BMPER: variants seen among roughly 807,000 people sequenced by gnomAD.
The protein encoded by BMPER is BMP binding endothelial regulator.
In BMPER, 45 loss-of-function variants were observed where a neutral mutation model predicts 87.3. That is an observed-to-expected ratio of 0.52 (90% CI 0.41 to 0.66). The LOEUF (loss-of-function observed/expected upper bound fraction) is 0.66. Among genes scored for constraint, BMPER ranks in the 30% least tolerant of loss-of-function variants. The pLI is 0.00. For missense variants in BMPER, 784 were observed against 867.5 expected (o/e 0.90, Z 1.21); for synonymous variants, 326 against 316.2 (o/e 1.03, Z -0.33).
chr7:34,150,342 G>A (rs893413174), intron 14 of BMPER, among the ~76,000 whole-genome samples: 1 of 151,864 alleles, frequency 6.6e-6, no homozygotes, highest in Non-Finnish European at 1.5e-5. Flanking sequence ...GGGCAGGGTC[G>A]GAAGGAAAGG....
intron 2 of BMPER, among the ~76,000 whole-genome samples, chr7:33,916,508 C>T (rs544348812): frequency 6.6e-6 from 1 of 152,328 alleles, no homozygotes; most frequent in East Asian, 1.9e-4. Context: ...CTAGTGCATA[C>T]CTGTGGGATT....
chr7:33,988,520 T>G (rs1199852844), intron 6 of BMPER, among the ~76,000 whole-genome samples: 2 of 152,158 alleles, frequency 1.3e-5, no homozygotes, highest in Non-Finnish European at 2.9e-5. Context: ...ATAACCAAAC[T>G]GTGTGTTTAT....
intron 13 of BMPER, among the ~76,000 whole-genome samples, chr7:34,120,435 G>A (rs892593888): frequency 4.6e-5 from 7 of 151,356 alleles, no homozygotes; most frequent in Middle Eastern, 3.4e-3. Flanking sequence ...TTTTGCTCTC[G>A]TTGCCCAGAC....
At chr7:34,025,156 C>G (rs770242781) in intron 6 of BMPER, among the ~76,000 whole-genome samples, 2 of 152,066 alleles carry the variant, frequency 1.3e-5, no homozygotes, top group Non-Finnish European at 2.9e-5. Flanking sequence ...GTTTGTTCTT[C>G]CTTAAAGACA....
intron 6 of BMPER, among the ~76,000 whole-genome samples, chr7:34,018,369 A>T (rs181138811): frequency 1.6e-3 from 250 of 151,970 alleles, no homozygotes; most frequent in Non-Finnish European, 3.0e-3. Flanking sequence ...GCACATATTG[A>T]GAAGCTTTAT....
intron 13 of BMPER, among the ~76,000 whole-genome samples, chr7:34,134,988 A>C (rs1004903761): frequency 1.1e-4 from 17 of 152,210 alleles, no homozygotes; most frequent in Non-Finnish European, 2.2e-4. Context: ...GAAGAGGGTC[A>C]GAGGTGAATG....
intron 13 of BMPER, among the ~76,000 whole-genome samples, chr7:34,104,488 GAGACTTGT>G (rs1789768247): frequency 1.3e-5 from 2 of 152,214 alleles, no homozygotes; most frequent in Admixed American, 1.3e-4. Context: ...TTTAAACCTT[GAGACTTGT>G]TGAACAATGT....
chr7:34,065,007 C>T (rs971801448), intron 11 of BMPER, among the ~76,000 whole-genome samples: 2 of 152,118 alleles, frequency 1.3e-5, no homozygotes, highest in African/African-American at 4.8e-5. Flanking sequence ...TCAGAACAAA[C>T]CTTTGGGCAC....
intron 3 of BMPER, among the ~76,000 whole-genome samples, chr7:33,943,032 C>T (rs1027239087): frequency 6.6e-6 from 1 of 152,134 alleles, no homozygotes; most frequent in Non-Finnish European, 1.5e-5. Flanking sequence ...ACTTCTCTCT[C>T]TTTCTCCTTT....
chr7:33,990,043 G>C (rs1786158961), intron 6 of BMPER, among the ~76,000 whole-genome samples: 1 of 151,914 alleles, frequency 6.6e-6, no homozygotes, highest in African/African-American at 2.4e-5. Context: ...TTGAAGTCAG[G>C]TAGTGTGATG....
At chr7:34,056,946 C>A (rs369864639) in intron 9 of BMPER, among the ~76,000 whole-genome samples, 280 of 152,272 alleles carry the variant, frequency 1.8e-3, no homozygotes, top group African/African-American at 6.5e-3. Context: ...CTTGTAAAAA[C>A]GGTTCCTTTA....
Position 34,051,859 on chromosome 7 carries a change from A to G in BMPER, c.677-2A>G. 1 of 1,609,482 alleles carries G rather than the reference A, an allele frequency of 6.2e-7. No homozygotes were observed. The highest frequency in any genetic ancestry group is 8.5e-7 in the Non-Finnish European group (1 of 1,175,860). On this transcript the variant is annotated splice_acceptor_variant, in intron 7 of 14. Coordinates refer to ENST00000649409, the MANE Select transcript of BMPER (RefSeq NM_001365308.1). LOFTEE classifies it high-confidence loss of function. ...TTACACTGTGCTTCTGTTTCTCTCT[A>G]GGTCAGAGGAAAGTGTTTGACCTCC... is the stretch of plus-strand genomic sequence containing the variant.
At chr7:34,014,557 T>A (rs1191201140) in intron 6 of BMPER, among the ~76,000 whole-genome samples, 1 of 151,780 alleles carries the variant, frequency 6.6e-6, no homozygotes, top group African/African-American at 2.4e-5. Context: ...GTCTGTTGAG[T>A]CTTCTGGCCT....
chr7:34,040,092 G>T (rs1322975893), intron 6 of BMPER, among the ~76,000 whole-genome samples: 1 of 152,100 alleles, frequency 6.6e-6, no homozygotes, highest in Non-Finnish European at 1.5e-5. Flanking sequence ...GAGGGGCTAT[G>T]TGGAGCTGAA....
rs765800574 is a variant in BMPER, at chr7:34,143,303, C to T, written c.1819C>T (p.Arg607Trp). The T allele has an allele frequency of 8.7e-6, 14 of 1,613,858 alleles. No individual in the cohort carries two copies. Among genetic ancestry groups the T allele is most frequent in the Admixed American group, 3.3e-5 (2 of 59,962 alleles). The stretch of plus-strand genomic sequence containing the variant: ...TTGCGAGTCATTTTTGGCATATACC[C>T]GGGCCTGCCAGAGAGAGGGCATCAA... ...CYCESFLAYT[R>W]ACQREGIKVH... The change falls in exon 14 of 15, where the codon CGG (arginine) becomes TGG (tryptophan). Residue 607 changes from arginine to tryptophan, a missense_variant. Coordinates refer to ENST00000649409, the MANE Select transcript of BMPER (RefSeq NM_001365308.1).
At chr7:33,945,210 G>C (rs912365422) in intron 3 of BMPER, among the ~76,000 whole-genome samples, 2 of 150,184 alleles carry the variant, frequency 1.3e-5, no homozygotes, top group African/African-American at 4.9e-5. Context: ...CAAAGTGCTG[G>C]GATTACAGGC....
intron 13 of BMPER, among the ~76,000 whole-genome samples, chr7:34,135,344 C>T (rs1583470648): frequency 1.3e-5 from 2 of 152,026 alleles, no homozygotes; most frequent in Non-Finnish European, 2.9e-5. Context: ...AGCAGGGGAG[C>T]GCAGGAAGGT....
rs200095615 is a variant in BMPER at position 34,054,269 on chromosome 7, GCT to G, written c.787-884_787-883del. ...GTCTAATGATATGTACATAAAGCACGCTCTCTCTCTCCACACACACATACACA... is the reference window on the plus strand; with the variant it reads ...GTCTAATGATATGTACATAAAGCACGCTCTCTCTCCACACACACATACACA... On this transcript the variant is annotated intron_variant, in intron 8 of 14. Coordinates refer to ENST00000649409, the MANE Select transcript of BMPER (RefSeq NM_001365308.1). 2.6e-3 allele frequency among the ~76,000 whole-genome samples: 396 copies of G among 152,012 alleles called. 3 individuals are homozygous for G. The highest frequency in any genetic ancestry group is 9.1e-3 in the African/African-American group (378 of 41,456).
Position 34,079,107 on chromosome 7 carries a change from G to A in BMPER, c.1329G>A (p.Ser443=), listed in dbSNP as rs756104096. ...ACCTCACCGTGCGCTGGAACGGCTC[G>A]CGCATCGCGCTCCCCTGCCGCGCGC... ...QQHLTVRWNG[S]RIALPCRAPH... Residue 443 remains serine, a synonymous_variant, in exon 12 of 15, where the codon TCG becomes TCA. Transcript: ENST00000649409. The A allele has an allele frequency of 4.5e-6, 7 of 1,572,442 alleles. No individual in the cohort carries two copies. The Admixed American group carries it at 5.6e-5, about 13-fold the overall frequency.
Sources: gnomAD v4.1 joint callset for allele counts (sites outside exome capture counted in the v4.1 genomes callset) on GRCh38, gnomAD v4.1.1 for gene constraint, MANE v1.5 for transcripts, NCBI Gene and HGNC (gene_info 2026-07-23, HGNC 2026-07-21) for gene names.